DOCK3: variants seen among roughly 807,000 people sequenced by gnomAD.
DOCK3 encodes the protein dedicator of cytokinesis protein 3.
A neutral mutation model predicts 265.6 loss-of-function variants in DOCK3; 60 were observed. The observed-to-expected ratio is 0.23, with a 90% CI of 0.18 to 0.28. The LOEUF (loss-of-function observed/expected upper bound fraction) is 0.28, where lower values mean the gene tolerates loss of function less well. Ranked by LOEUF, DOCK3 falls within the 10% of genes least tolerant of loss-of-function variation. The pLI is 1.00. For missense variants in DOCK3, 1,981 were observed against 2,594.3 expected (o/e 0.76, Z 5.14); for synonymous variants, 881 against 938.0 (o/e 0.94, Z 1.11).
chr3:51,274,415 T>C (rs1441948640), intron 24 of DOCK3, among the ~76,000 whole-genome samples: 1 of 152,224 alleles, frequency 6.6e-6, no homozygotes, highest in Non-Finnish European at 1.5e-5. Flanking sequence ...TAGTTCATAC[T>C]AAGTATACCA....
At chr3:50,701,148 T>TTTA (rs57755386) in intron 1 of DOCK3, among the ~76,000 whole-genome samples, 1 of 150,752 alleles carries the variant, frequency 6.6e-6, no homozygotes, top group African/African-American at 2.4e-5. Context: ...TTTTTTTTTT[T>TTTA]AAGACAGGTT....
At position 51,239,295 on chromosome 3, in the gene DOCK3, C is replaced by T. The variant is rs577168002; in HGVS notation, c.2102+1705C>T. The stretch of plus-strand genomic sequence containing the variant: ...CGCAATCTTGGCTCACTGTAACCTG[C>T]GCCTCCTGGGTTCAAGCGATCCTTC... On this transcript the variant is annotated intron_variant, in intron 21 of 52. Coordinates refer to ENST00000266037, the MANE Select transcript of DOCK3 (RefSeq NM_004947.5). Among the ~76,000 whole-genome samples, 10 of 151,838 alleles carry T rather than the reference C, an allele frequency of 6.6e-5. No individual in the cohort carries two copies. In the East Asian group the frequency reaches 1.5e-3, roughly 24 times the overall value.
chr3:50,737,009 G>A (rs1490057305), intron 1 of DOCK3, among the ~76,000 whole-genome samples: 2 of 152,120 alleles, frequency 1.3e-5, no homozygotes, highest in African/African-American at 4.8e-5. Context: ...GTCTTCTTTT[G>A]AGTAGTGTCT....
At chr3:51,356,941 C>G (rs752247275) in intron 43 of DOCK3, 21 bp from the exon 44 acceptor site, 7 of 1,602,412 alleles carry the variant, frequency 4.4e-6, no homozygotes, top group Non-Finnish European at 5.1e-6. Flanking sequence ...TGGGATGACT[C>G]TGTGTGCTGT....
chr3:51,199,501 T>C lies in DOCK3; in HGVS notation c.1038-9273T>C, dbSNP rs2107974797. On this transcript the variant is annotated intron_variant, in intron 12 of 52. Transcript: ENST00000266037. ...AGGCTGGGGGAGGGGCGCCCGCCAT[T>C]GCCCAGGCTTGTGTAAGTAAACAAA... is the stretch of plus-strand genomic sequence containing the variant. 2.0e-5 allele frequency among the ~76,000 whole-genome samples: 3 copies of C among 152,336 alleles called. 1 individual carries two copies. In the South Asian group the frequency reaches 6.2e-4, roughly 32 times the overall value.
intron 3 of DOCK3, among the ~76,000 whole-genome samples, chr3:50,850,893 G>T (rs2046328764): frequency 6.6e-6 from 1 of 152,180 alleles, no homozygotes; most frequent in African/African-American, 2.4e-5. Context: ...CTTGATCCTT[G>T]TTTACTGGCA....
intron 4 of DOCK3, among the ~76,000 whole-genome samples, chr3:50,928,280 G>A (rs2050876193): frequency 6.6e-6 from 1 of 151,786 alleles, no homozygotes; most frequent in Non-Finnish European, 1.5e-5. Context: ...AAGAATCTTT[G>A]TCCCTGTTAA....
chr3:51,205,215 A>G (rs1263598389), intron 12 of DOCK3, among the ~76,000 whole-genome samples: 5 of 152,036 alleles, frequency 3.3e-5, no homozygotes, highest in African/African-American at 9.7e-5. Flanking sequence ...AAGAAAAAGA[A>G]GGTCCACATC....
chr3:50,925,082 TG>T (rs34362742), intron 4 of DOCK3, among the ~76,000 whole-genome samples: 14,369 of 152,246 alleles, frequency 0.094, 840 homozygotes, highest in Non-Finnish European at 0.12. Flanking sequence ...CACAGGTTAC[TG>T]TTATTTTTAT....
intron 2 of DOCK3, among the ~76,000 whole-genome samples, chr3:50,835,331 T>G (rs1216552344): frequency 1.3e-5 from 2 of 152,224 alleles, no homozygotes; most frequent in Non-Finnish European, 2.9e-5. Context: ...TCACATGAAC[T>G]AAAAGGCATT....
intron 2 of DOCK3, among the ~76,000 whole-genome samples, chr3:50,792,576 G>C (rs557984023): frequency 6.6e-6 from 1 of 152,126 alleles, no homozygotes; most frequent in Non-Finnish European, 1.5e-5. Context: ...TGGTTATGAC[G>C]TTGGCTGTGG....
chr3:50,889,920 G>A, intron 3 of DOCK3, 106 bp from the exon 4 acceptor site: 5 of 851,658 alleles, frequency 5.9e-6, no homozygotes, highest in Middle Eastern at 3.2e-4. Flanking sequence ...GCTGTAGCAG[G>A]AGATCTACTA....
At chr3:50,990,287 A>C (rs2078059045) in intron 5 of DOCK3, among the ~76,000 whole-genome samples, 1 of 152,210 alleles carries the variant, frequency 6.6e-6, no homozygotes, top group Non-Finnish European at 1.5e-5. Context: ...CCAACAGTCA[A>C]ATTCAGGAAA....
intron 9 of DOCK3, among the ~76,000 whole-genome samples, chr3:51,142,118 C>A (rs1026028494): frequency 2.6e-5 from 4 of 152,148 alleles, no homozygotes; most frequent in African/African-American, 9.7e-5. Context: ...TCCCTCTTCA[C>A]CTACTCAGTG....
At chr3:51,312,988 A>G (rs1316596810) in intron 31 of DOCK3, 86 bp downstream of exon 31, 3 of 1,264,608 alleles carry the variant, frequency 2.4e-6, no homozygotes, top group Admixed American at 2.0e-5. Flanking sequence ...CCCAGGCTTT[A>G]TGAATGTTAA....
At chr3:50,728,507 A>G (rs2037977306) in intron 1 of DOCK3, among the ~76,000 whole-genome samples, 1 of 152,190 alleles carries the variant, frequency 6.6e-6, no homozygotes, top group African/African-American at 2.4e-5. Flanking sequence ...AAAATAAGTA[A>G]AGCCTAAAGT....
intron 4 of DOCK3, among the ~76,000 whole-genome samples, chr3:50,896,934 T>TTTG (rs2048921730): frequency 4.6e-5 from 7 of 150,832 alleles, no homozygotes; most frequent in Admixed American, 2.6e-4. Flanking sequence ...TGCCTCCAGC[T>TTTG]TTCTTTTTGC....
intron 1 of DOCK3, among the ~76,000 whole-genome samples, chr3:50,685,284 T>C (rs958583406): frequency 3.3e-5 from 5 of 152,224 alleles, no homozygotes; most frequent in African/African-American, 1.2e-4. Context: ...ACTTGTTTTC[T>C]GCATTTTTGT....
chr3:51,069,528 GTGTGTGTATATA>G lies in DOCK3; in HGVS notation c.464+4958_464+4969del, dbSNP rs576510068. On this transcript the variant is annotated intron_variant, in intron 6 of 52. Coordinates refer to ENST00000266037, the MANE Select transcript of DOCK3 (RefSeq NM_004947.5). ...TAATAATTTAACAAATCATACATAT[GTGTGTGTATATA>G]TGTGTGTATATATGTGTGTATATAT... 8.7e-3 allele frequency among the ~76,000 whole-genome samples: 1,323 copies of G among 151,634 alleles called. 9 individuals are homozygous for G. The highest frequency in any genetic ancestry group is 0.011 in the African/African-American group (466 of 41,314).
Sources: allele counts gnomAD v4.1 joint callset (sites outside exome capture counted in the v4.1 genomes callset), GRCh38; gene constraint gnomAD v4.1.1; transcripts MANE v1.5; gene names NCBI Gene and HGNC (gene_info 2026-07-23, HGNC 2026-07-21).